Variants in RAB21 observed in about 807,000 individuals in gnomAD.
The protein encoded by RAB21 is RAB21, member RAS oncogene family, also known as ras-related protein Rab-21.
A neutral mutation model predicts 33.1 loss-of-function variants in RAB21; 13 were observed. The observed-to-expected ratio is 0.39, with a 90% CI of 0.26 to 0.62. RAB21 has a LOEUF of 0.62. RAB21 is among the 20% of genes least tolerant of loss of function. The pLI is 0.48. For synonymous variants in RAB21, 91 were observed against 103.7 expected (o/e 0.88, Z 0.74); for missense variants, 234 against 279.1 (o/e 0.84, Z 1.15).
At chr12:71,782,718 A>G in intron 6 of RAB21, 60 bp downstream of exon 6, 1 of 1,183,070 alleles carries the variant, frequency 8.5e-7, no homozygotes. Flanking sequence ...TTTTTAAAAA[A>G]TAGTATGTAT....
chr12:71,776,108 G>T (rs558140356), intron 4 of RAB21, among the ~76,000 whole-genome samples: 1 of 152,242 alleles, frequency 6.6e-6, no homozygotes, highest in East Asian at 1.9e-4. Context: ...ACTAGGAGTG[G>T]AAGTGGCCAC....
intron 2 of RAB21, 152 bp downstream of exon 2, chr12:71,770,011 A>G: frequency 2.4e-6 from 1 of 413,326 alleles, no homozygotes. Flanking sequence ...ATATAATTGT[A>G]TATTTGAATA....
chr12:71,762,614 G>T (rs989223822), intron 1 of RAB21, among the ~76,000 whole-genome samples: 2 of 151,592 alleles, frequency 1.3e-5, no homozygotes, highest in Non-Finnish European at 2.9e-5. Flanking sequence ...ATGGTGTATC[G>T]CCCTTTCGCC....
intron 4 of RAB21, among the ~76,000 whole-genome samples, chr12:71,781,626 AAGAT>A (rs1386364050): frequency 3.3e-5 from 5 of 152,216 alleles, no homozygotes; most frequent in African/African-American, 9.7e-5. Context: ...AGTAAACACT[AAGAT>A]AGCCATACTT....
chr12:71,759,371 CTA>C (rs1882836574), intron 1 of RAB21, among the ~76,000 whole-genome samples: 1 of 152,200 alleles, frequency 6.6e-6, no homozygotes, highest in African/African-American at 2.4e-5. Context: ...TTATTAAAGA[CTA>C]TGAAAGAAAG....
Position 71,784,871 on chromosome 12 carries a change from C to T in RAB21, c.536-660C>T, listed in dbSNP as rs538195704. Among the ~76,000 whole-genome samples the T allele has an allele frequency of 2.0e-5, 3 of 152,140 alleles. No homozygotes were observed. The South Asian group carries it at 6.2e-4, about 32-fold the overall frequency. On this transcript the variant is annotated intron_variant, in intron 6 of 6. Transcript: ENST00000261263. ...CTTTATGAGGCCAAGGCCATAGGAT[C>T]ACTTGAGCCCAGGAGTTTGAGACCA...
At position 71,769,594 on chromosome 12, in the gene RAB21, T is replaced by C. The variant is rs534051569; in HGVS notation, c.160-206T>C. 7.9e-5 allele frequency among the ~76,000 whole-genome samples: 12 copies of C among 152,300 alleles called. No individual in the cohort carries two copies. In the East Asian group the frequency reaches 2.3e-3, roughly 29 times the overall value. ...TTTCTGTGTGTTTTGTATAACCTAT[T>C]TTCAGAAAACAAGATTTTTTTTTAG... On this transcript the variant is annotated intron_variant, in intron 1 of 6. Coordinates refer to ENST00000261263, the MANE Select transcript of RAB21 (RefSeq NM_014999.4).
At chr12:71,782,298 A>G in intron 5 of RAB21, 1 of 563,946 alleles carries the variant, frequency 1.8e-6, no homozygotes, top group Non-Finnish European at 3.1e-6. Flanking sequence ...GAGTGATATA[A>G]AACAAAACTA....
chr12:71,774,626 G>A (rs1384696546), intron 4 of RAB21, among the ~76,000 whole-genome samples: 1 of 144,446 alleles, frequency 6.9e-6, no homozygotes, highest in Non-Finnish European at 1.5e-5. Context: ...GCGTGGTGGC[G>A]GGCACCTATA....
rs1883014763 is a variant in RAB21, at chr12:71,769,818, A to C, written c.178A>C (p.Lys60Gln). 2 of 1,394,244 alleles carry C rather than the reference A, an allele frequency of 1.4e-6. No homozygotes were observed. Among genetic ancestry groups the C allele is most frequent in the Non-Finnish European group, 1.9e-6 (2 of 1,049,844 alleles). The allele number at this position is 1,394,244 out of a possible 1,614,324, so 86.4% of individuals were successfully genotyped here. A position where few individuals can be genotyped will look rare whatever the true frequency, so the allele number is the denominator to read the frequency against. ...TTLQASFLTK[K>Q]LNIGGKRVNL... ...TTTTTAGGCATCATTCTTAACAAAG[A>C]AGTTAAATATTGGTGGGAAAAGAGT... The change falls in exon 2 of 7, where the codon AAG (lysine) becomes CAG (glutamine). Residue 60 changes from lysine (K) to glutamine (Q), a missense_variant. By Grantham distance (53) the Lys-to-Gln change is moderately conservative. Coordinates refer to ENST00000261263, the MANE Select transcript of RAB21 (RefSeq NM_014999.4).
chr12:71,758,647 AT>A (rs34094830), intron 1 of RAB21, among the ~76,000 whole-genome samples: 5 of 148,920 alleles, frequency 3.4e-5, no homozygotes, highest in East Asian at 2.0e-4. Context: ...TGCTCGGCTA[AT>A]TTTTTTTTTT....
chr12:71,784,655 T>G (rs1258225023), intron 6 of RAB21, among the ~76,000 whole-genome samples: 3 of 152,174 alleles, frequency 2.0e-5, no homozygotes, highest in African/African-American at 7.2e-5. Flanking sequence ...GACTGTGTTT[T>G]TTTGGTTCCA....
At chr12:71,767,000 G>T (rs1882970865) in intron 1 of RAB21, among the ~76,000 whole-genome samples, 1 of 152,148 alleles carries the variant, frequency 6.6e-6, no homozygotes, top group African/African-American at 2.4e-5. Flanking sequence ...GAATGATTTT[G>T]TGAAAAGTGC....
intron 1 of RAB21, among the ~76,000 whole-genome samples, chr12:71,756,316 G>C (rs1291632712): frequency 2.6e-5 from 4 of 152,164 alleles, no homozygotes; most frequent in Non-Finnish European, 5.9e-5. Flanking sequence ...GGGTTGTCAG[G>C]ATAAATATAC....
rs1429309547 is a variant in RAB21, at chr12:71,789,725, T to C, written c.*4052T>C. ...CTGGAATTTATTGAACCGCATCTAC[T>C]TGATTTCATAATATGCATTGATTTT... On this transcript the variant is annotated 3_prime_UTR_variant, in exon 7 of 7. Transcript: ENST00000261263. 5.3e-5 allele frequency: 8 copies of C among 152,170 alleles called. No homozygotes were observed. 9.4% of individuals were successfully genotyped at this position (152,170 alleles called of 1,614,324 possible).
At position 71,755,144 on chromosome 12, in the gene RAB21, C is replaced by CGGCGGCGGCGGCGG; in HGVS notation, c.31_44dup (p.Ala17ArgfsTer46). The CGGCGGCGGCGGCGG allele has an allele frequency of 3.9e-6, 5 of 1,266,732 alleles. No homozygotes were observed. Among genetic ancestry groups the CGGCGGCGGCGGCGG allele is most frequent in the Non-Finnish European group, 5.0e-6 (5 of 1,005,736 alleles). 78.5% of individuals were successfully genotyped at this position (1,266,732 alleles called of 1,614,324 possible). On this transcript the variant is annotated frameshift_variant, in exon 1 of 7. Transcript: ENST00000261263. LOFTEE classifies it high-confidence loss of function. ...GAAGCGACGGGATGGCTGCGGCCGG[C>CGGCGGCGGCGGCGG]GGCGGCGGCGGCGGGGCGGCGGCGG...
rs997552612 is a variant in RAB21, at chr12:71,800,272, A to C, written c.*14599A>C. On this transcript the variant is annotated 3_prime_UTR_variant, in exon 7 of 7. Transcript: ENST00000261263. ...TTTTCTATAATTTTATATAAATAAA[A>C]TCATATAACATGTATACTTTTGAGT... is the stretch of plus-strand genomic sequence containing the variant. The C allele has an allele frequency of 6.6e-6, 1 of 152,144 alleles. No homozygotes were observed. Among genetic ancestry groups the C allele is most frequent in the Non-Finnish European group, 1.5e-5 (1 of 68,040 alleles). The allele number at this position is 152,144 out of a possible 1,614,324, so 9.4% of individuals were successfully genotyped here.
At chr12:71,763,862 C>G (rs1882915739) in intron 1 of RAB21, among the ~76,000 whole-genome samples, 1 of 152,150 alleles carries the variant, frequency 6.6e-6, no homozygotes, top group South Asian at 2.1e-4. Flanking sequence ...TAGCTTTGTG[C>G]AATGGAAAAA....
chr12:71,760,717 C>T (rs1471978597), intron 1 of RAB21, among the ~76,000 whole-genome samples: 1 of 151,738 alleles, frequency 6.6e-6, no homozygotes. Context: ...TTATGTACCC[C>T]TTTTTTTTTC....
Sources: allele counts gnomAD v4.1 joint callset (sites outside exome capture counted in the v4.1 genomes callset), GRCh38; gene constraint gnomAD v4.1.1; transcripts MANE v1.5; gene names NCBI Gene and HGNC (gene_info 2026-07-23, HGNC 2026-07-21).